Variants in NPAS3 observed in about 807,000 individuals in gnomAD.
NPAS3 encodes neuronal PAS domain protein 3, also known as neuronal PAS domain-containing protein 3.
Under a neutral mutation model 73.1 loss-of-function variants are expected in NPAS3, and 14 were observed. The ratio of observed to expected loss-of-function variants is 0.19; its 90% CI spans 0.13 to 0.30. The LOEUF (loss-of-function observed/expected upper bound fraction) is 0.30. NPAS3 is among the 10% of genes least tolerant of loss of function. The pLI, the probability that NPAS3 is intolerant of heterozygous loss-of-function variation, is 1.00. For synonymous variants in NPAS3, 620 were observed against 541.5 expected (o/e 1.14, Z -2.01); for missense variants, 1,096 against 1,250.0 (o/e 0.88, Z 1.86).
intron 5 of NPAS3, among the ~76,000 whole-genome samples, chr14:33,659,987 C>CA (rs1183532430): frequency 6.6e-6 from 1 of 152,112 alleles, no homozygotes; most frequent in Non-Finnish European, 1.5e-5. Flanking sequence ...CCCCCAGGAC[C>CA]ACTCTCCTGA....
intron 1 of NPAS3, among the ~76,000 whole-genome samples, chr14:33,022,105 A>G (rs1595249929): frequency 1.3e-5 from 2 of 152,188 alleles, no homozygotes; most frequent in African/African-American, 4.8e-5. Flanking sequence ...CTGCTCACCT[A>G]CTGCATGTTG....
rs148625589 is a variant in NPAS3, at chr14:33,231,260, G to C, written c.385+15834G>C. On this transcript the variant is annotated intron_variant, in intron 3 of 11. Transcript: ENST00000356141. ...ATGTAAAGGATTTCTATAGCAATTT[G>C]TATTTTGTAAAATCAGTTATTTTGC... Among the ~76,000 whole-genome samples, 108 of 152,252 alleles carry C rather than the reference G, an allele frequency of 7.1e-4. 1 individual carries two copies. The highest frequency in any genetic ancestry group is 6.8e-3 in the Middle Eastern group (2 of 294).
intron 1 of NPAS3, among the ~76,000 whole-genome samples, chr14:33,005,513 T>A (rs1198230011): frequency 6.6e-6 from 1 of 152,016 alleles, no homozygotes; most frequent in Non-Finnish European, 1.5e-5. Context: ...GAGAGTTGGG[T>A]CCCCAGCCCC....
chr14:33,565,573 C>T (rs931911631), intron 5 of NPAS3, among the ~76,000 whole-genome samples: 3 of 151,998 alleles, frequency 2.0e-5, no homozygotes, highest in Non-Finnish European at 4.4e-5. Context: ...GTGGCTAATA[C>T]TCTTACTTCC....
chr14:33,570,617 C>A (rs377484678), intron 5 of NPAS3, among the ~76,000 whole-genome samples: 2 of 152,166 alleles, frequency 1.3e-5, no homozygotes, highest in African/African-American at 4.8e-5. Flanking sequence ...AACCTTTTCA[C>A]TTGAGCAGAC....
intron 1 of NPAS3, among the ~76,000 whole-genome samples, chr14:33,018,936 T>TA (rs74420397): frequency 0.088 from 12,992 of 147,852 alleles, 659 homozygotes; most frequent in South Asian, 0.13. Flanking sequence ...TGCAAATTTA[T>TA]AAAAAAAAAA....
chr14:33,588,550 T>C (rs1047034325), intron 5 of NPAS3, among the ~76,000 whole-genome samples: 4 of 152,220 alleles, frequency 2.6e-5, no homozygotes, highest in African/African-American at 9.6e-5. Flanking sequence ...CCTTCTGCTG[T>C]TAGCAGCTTG....
chr14:33,686,557 A>G (rs527609259), intron 6 of NPAS3, among the ~76,000 whole-genome samples: 1 of 152,300 alleles, frequency 6.6e-6, no homozygotes, highest in South Asian at 2.1e-4. Context: ...TGCTAAACCC[A>G]TTATATGCAT....
chr14:33,396,318 C>T (rs2047221285), intron 4 of NPAS3, among the ~76,000 whole-genome samples: 1 of 152,012 alleles, frequency 6.6e-6, no homozygotes, highest in South Asian at 2.1e-4. Context: ...TAACATAGTC[C>T]CATTTGATTT....
chr14:33,221,150 C>T, intron 3 of NPAS3, among the ~76,000 whole-genome samples: 1 of 152,128 alleles, frequency 6.6e-6, no homozygotes, highest in Admixed American at 6.5e-5. Context: ...GAAGGCAGCA[C>T]CTATTTGGAA....
chr14:33,739,603 G>A (rs116395822), intron 7 of NPAS3, among the ~76,000 whole-genome samples: 1 of 152,096 alleles, frequency 6.6e-6, no homozygotes, highest in Non-Finnish European at 1.5e-5. Flanking sequence ...GTGGAATAAG[G>A]TGCACATGAA....
intron 4 of NPAS3, among the ~76,000 whole-genome samples, chr14:33,417,382 G>A (rs567019273): frequency 5.3e-5 from 8 of 152,016 alleles, no homozygotes; most frequent in South Asian, 4.2e-4. Flanking sequence ...AGCCTGATCC[G>A]ACATGGACCC....
chr14:33,796,453 A>C (rs1218328539), intron 10 of NPAS3, among the ~76,000 whole-genome samples: 2 of 152,226 alleles, frequency 1.3e-5, no homozygotes, highest in Non-Finnish European at 2.9e-5. Flanking sequence ...TACCCCTCCC[A>C]GGAACATTTG....
intron 3 of NPAS3, among the ~76,000 whole-genome samples, chr14:33,252,057 CTGTGTGTGTG>C (rs3057325): frequency 1.7e-4 from 24 of 145,208 alleles, no homozygotes; most frequent in South Asian, 4.4e-4. Context: ...GTGTGTGTGT[CTGTGTGTGTG>C]TGTGTGTGTG....
intron 4 of NPAS3, among the ~76,000 whole-genome samples, chr14:33,416,779 T>G (rs1187179141): frequency 6.6e-6 from 1 of 152,052 alleles, no homozygotes; most frequent in East Asian, 1.9e-4. Flanking sequence ...AACCGATTGT[T>G]TATTTCTACA....
chr14:33,008,889 AT>A (rs1453011628), intron 1 of NPAS3, among the ~76,000 whole-genome samples: 3 of 152,188 alleles, frequency 2.0e-5, no homozygotes, highest in African/African-American at 7.2e-5. Context: ...GGCCTTAGGA[AT>A]TTATACCTGT....
chr14:32,935,117 C>T (rs2035656117), upstream of NPAS3: 2 of 435,736 alleles, frequency 4.6e-6, no homozygotes, highest in Non-Finnish European at 6.5e-6. Context: ...CCAGGGCTCA[C>T]TTTGCCTGCC....
intron 3 of NPAS3, among the ~76,000 whole-genome samples, chr14:33,312,415 G>A (rs1184516134): frequency 6.6e-6 from 1 of 152,004 alleles, no homozygotes; most frequent in African/African-American, 2.4e-5. Context: ...GTGTGTGAGT[G>A]TGTGAAATAT....
At chr14:33,531,073 G>A (rs1038394105) in intron 4 of NPAS3, among the ~76,000 whole-genome samples, 17 of 152,032 alleles carry the variant, frequency 1.1e-4, no homozygotes, top group African/African-American at 3.9e-4. Context: ...TCTTTTATGT[G>A]TTTGAAGATG....
Sources: gnomAD v4.1 joint callset for allele counts (sites outside exome capture counted in the v4.1 genomes callset) on GRCh38, gnomAD v4.1.1 for gene constraint, MANE v1.5 for transcripts, NCBI Gene and HGNC (gene_info 2026-07-23, HGNC 2026-07-21) for gene names.